Variants in RAI14 observed in about 807,000 individuals in gnomAD.
RAI14 encodes the protein retinoic acid induced 14, also known as ankycorbin.
Under a neutral mutation model 115.4 loss-of-function variants are expected in RAI14, and 45 were observed. That is an observed-to-expected ratio of 0.39 (90% CI 0.31 to 0.50). The LOEUF (loss-of-function observed/expected upper bound fraction) is 0.50. Among genes scored for constraint, RAI14 ranks in the 20% least tolerant of loss-of-function variants. RAI14 has a pLI of 0.85. For missense variants in RAI14, 939 were observed against 1,131.2 expected (o/e 0.83, Z 2.44); for synonymous variants, 371 against 415.4 (o/e 0.89, Z 1.30).
chr5:34,802,524 C>G (rs462744), intron 4 of RAI14, among the ~76,000 whole-genome samples: 1 of 151,982 alleles, frequency 6.6e-6, no homozygotes, highest in South Asian at 2.1e-4. Context: ...CAGGTCCCCC[C>G]ATCCAGACAT....
intron 1 of RAI14, among the ~76,000 whole-genome samples, chr5:34,665,125 G>A (rs13170775): frequency 0.096 from 3,235 of 33,634 alleles, 1,283 homozygotes; most frequent in Middle Eastern, 0.24. Flanking sequence ...GTGTATATAT[G>A]TATGTGTATA....
At chr5:34,743,056 C>T (rs1745724198) in intron 2 of RAI14, among the ~76,000 whole-genome samples, 1 of 152,190 alleles carries the variant, frequency 6.6e-6, no homozygotes, top group South Asian at 2.1e-4. Context: ...CAGAAGGCTG[C>T]TGTCAGACTG....
intron 12 of RAI14, among the ~76,000 whole-genome samples, 171 bp downstream of exon 12, chr5:34,814,840 C>G (rs1580348205): frequency 6.6e-6 from 1 of 151,980 alleles, no homozygotes; most frequent in East Asian, 1.9e-4. Flanking sequence ...CCCCATAAAG[C>G]AAGAATGTGT....
In RAI14 at chr5:34,672,164, TA is replaced by T. The variant is rs900289456; in HGVS notation, c.-48-14699del. On this transcript the variant is annotated intron_variant, in intron 1 of 17. Coordinates refer to ENST00000265109, the MANE Select transcript of RAI14 (RefSeq NM_015577.3). ...CATTAACCCATGTGGACTTTTTATT[TA>T]AAAAAAAACTGAATGATTTTGTAGG... Among the ~76,000 whole-genome samples the T allele has an allele frequency of 1.2e-4, 18 of 151,638 alleles. No homozygotes were observed. In the East Asian group the frequency reaches 1.4e-3, roughly 11 times the overall value.
chr5:34,679,606 T>C (rs1744243647), intron 1 of RAI14, among the ~76,000 whole-genome samples: 1 of 152,194 alleles, frequency 6.6e-6, no homozygotes, highest in South Asian at 2.1e-4. Context: ...TGATGATCCT[T>C]GCTCTCCTCT....
At chr5:34,709,285 T>TAAAAATA (rs1741109427) in intron 2 of RAI14, among the ~76,000 whole-genome samples, 1 of 151,822 alleles carries the variant, frequency 6.6e-6, no homozygotes. Flanking sequence ...CCGTCTCTAC[T>TAAAAATA]AAAAATAAAA....
At chr5:34,758,597 C>G (rs1365815598) in intron 3 of RAI14, among the ~76,000 whole-genome samples, 1 of 152,142 alleles carries the variant, frequency 6.6e-6, no homozygotes, top group Non-Finnish European at 1.5e-5. Context: ...AGACCTAGAG[C>G]AGGGTTTGGC....
chr5:34,780,001 C>CGGT (rs1751404200), intron 3 of RAI14, among the ~76,000 whole-genome samples: 1 of 152,082 alleles, frequency 6.6e-6, no homozygotes, highest in African/African-American at 2.4e-5. Context: ...CAAAACAGCA[C>CGGT]AGTACTGGTA....
At chr5:34,824,558 T>C in intron 15 of RAI14, 67 bp downstream of exon 15, 1 of 1,296,368 alleles carries the variant, frequency 7.7e-7, no homozygotes, top group Non-Finnish European at 1.0e-6. Flanking sequence ...TTTTACTATA[T>C]TAAATATTTC....
chr5:34,740,019 CTCCAGCCTGGGTG>C (rs1479466586), intron 2 of RAI14, among the ~76,000 whole-genome samples: 1 of 152,152 alleles, frequency 6.6e-6, no homozygotes, highest in Non-Finnish European at 1.5e-5. Flanking sequence ...CACCACTGCA[CTCCAGCCTGGGTG>C]ACAGAGCAAG....
chr5:34,677,769 A>T (rs948034552), intron 1 of RAI14, among the ~76,000 whole-genome samples: 22 of 152,230 alleles, frequency 1.4e-4, no homozygotes, highest in South Asian at 2.1e-4. Flanking sequence ...TTAGATTTTT[A>T]AAAAAAGTTC....
intron 1 of RAI14, chr5:34,684,523 C>T (rs1457927874): frequency 6.6e-6 from 1 of 152,194 alleles, no homozygotes; most frequent in Admixed American, 6.5e-5. Context: ...CTGTCACTCC[C>T]GCTGAGGCTG....
intron 2 of RAI14, among the ~76,000 whole-genome samples, chr5:34,722,438 G>T (rs1440252130): frequency 6.6e-6 from 1 of 151,838 alleles, no homozygotes; most frequent in Non-Finnish European, 1.5e-5. Context: ...TGGATTTCCA[G>T]CCTCCAGTCT....
intron 3 of RAI14, among the ~76,000 whole-genome samples, chr5:34,760,925 T>G (rs1319930956): frequency 6.6e-6 from 1 of 152,178 alleles, no homozygotes; most frequent in East Asian, 1.9e-4. Context: ...CTGGCAACCA[T>G]GAATCTGGGT....
At chr5:34,787,893 ATTTTTTTTTTTTTTT>A (rs70973012) in intron 3 of RAI14, among the ~76,000 whole-genome samples, 102 of 25,096 alleles carry the variant, frequency 4.1e-3, no homozygotes, top group African/African-American at 6.3e-3. Context: ...GATACTACTG[ATTTTTTTTTTTTTTT>A]TTTTTTTTTT....
intron 2 of RAI14, among the ~76,000 whole-genome samples, chr5:34,730,570 G>A (rs996736133): frequency 1.3e-5 from 2 of 152,060 alleles, no homozygotes; most frequent in African/African-American, 4.8e-5. Context: ...CTGCTACTCG[G>A]GAGGCAGAGA....
At chr5:34,747,892 G>A (rs1161846611) in intron 2 of RAI14, among the ~76,000 whole-genome samples, 1 of 152,192 alleles carries the variant, frequency 6.6e-6, no homozygotes, top group African/African-American at 2.4e-5. Context: ...TGCCCTGGAA[G>A]TCTAGTCCAG....
chr5:34,752,085 C>T (rs1747100365), intron 2 of RAI14, among the ~76,000 whole-genome samples: 1 of 152,220 alleles, frequency 6.6e-6, no homozygotes, highest in Non-Finnish European at 1.5e-5. Flanking sequence ...GACTGGGAGA[C>T]ATCGCGTTCA....
chr5:34,693,593 ATT>A (rs1460135649), intron 2 of RAI14, among the ~76,000 whole-genome samples: 14 of 152,200 alleles, frequency 9.2e-5, no homozygotes, highest in Non-Finnish European at 1.9e-4. Flanking sequence ...GCTACAATGC[ATT>A]TGATAGAGGA....
Sources: allele counts gnomAD v4.1 joint callset (sites outside exome capture counted in the v4.1 genomes callset), GRCh38; gene constraint gnomAD v4.1.1; transcripts MANE v1.5; gene names NCBI Gene and HGNC (gene_info 2026-07-23, HGNC 2026-07-21).